TRAF6: variants seen among roughly 807,000 people sequenced by gnomAD.
The protein encoded by TRAF6 is TNF receptor-associated factor 6.
Under a neutral mutation model 48.4 loss-of-function variants are expected in TRAF6, and 10 were observed. That is an observed-to-expected ratio of 0.21 (90% CI 0.13 to 0.35). The LOEUF (loss-of-function observed/expected upper bound fraction) is 0.35, where lower values mean the gene tolerates loss of function less well. Among genes scored for constraint, TRAF6 ranks in the 10% least tolerant of loss-of-function variants. TRAF6 has a pLI of 1.00. For synonymous variants in TRAF6, 186 were observed against 219.6 expected (o/e 0.85, Z 1.35); for missense variants, 397 against 661.0 (o/e 0.60, Z 4.38).
intron 6 of TRAF6, among the ~76,000 whole-genome samples, chr11:36,491,702 A>G (rs1253812383): frequency 6.6e-6 from 1 of 152,152 alleles, no homozygotes; most frequent in Non-Finnish European, 1.5e-5. Flanking sequence ...CTGTTTGTTC[A>G]TGGCTCTTTT....
At chr11:36,507,937 C>A (rs1427631238) in intron 1 of TRAF6, among the ~76,000 whole-genome samples, 1 of 150,812 alleles carries the variant, frequency 6.6e-6, no homozygotes, top group Non-Finnish European at 1.5e-5. Context: ...CTCATTGCAG[C>A]CTCCACCTCT....
intron 3 of TRAF6, among the ~76,000 whole-genome samples, chr11:36,497,948 G>T (rs1859663465): frequency 6.6e-6 from 1 of 150,530 alleles, no homozygotes; most frequent in African/African-American, 2.5e-5. Flanking sequence ...GCAGTGGCGT[G>T]ATCTCGGCTC....
intron 5 of TRAF6, among the ~76,000 whole-genome samples, chr11:36,493,250 C>T (rs564489596): frequency 3.3e-5 from 5 of 152,302 alleles, no homozygotes; most frequent in Admixed American, 6.5e-5. Context: ...TATACTCAAT[C>T]ATATTTTTTC....
chr11:36,491,137 GTTAATA>G (rs1160010539), intron 6 of TRAF6, among the ~76,000 whole-genome samples: 5 of 128,536 alleles, frequency 3.9e-5, no homozygotes, highest in African/African-American at 1.4e-4. Context: ...TCTCTCTCTA[GTTAATA>G]TTAATACCAT....
chr11:36,501,768 T>C (rs972206179), intron 1 of TRAF6: 1 of 283,092 alleles, frequency 3.5e-6, no homozygotes, highest in African/African-American at 2.2e-5. Flanking sequence ...TGCAAATCAC[T>C]TGGAGCACAC....
rs553512192 is a variant in TRAF6, at chr11:36,485,117, T to C, written c.*4721A>G. ...AAGTGATAAAGCAAATGTAACATAA[T>C]ATTACTGCAGATTCTAGGTCGTAGA... On this transcript the variant is annotated 3_prime_UTR_variant, in exon 7 of 7. Transcript: ENST00000526995. Among the ~76,000 whole-genome samples the C allele has an allele frequency of 6.4e-4, 98 of 152,216 alleles. 1 individual carries two copies. Among genetic ancestry groups the C allele is most frequent in the African/African-American group, 2.3e-3 (97 of 41,472 alleles).
At position 36,490,249 on chromosome 11, in the gene TRAF6, C is replaced by G. The variant is rs1430754467; in HGVS notation, c.1158G>C (p.Gly386=). 2.5e-6 allele frequency: 4 copies of G among 1,614,162 alleles called. No homozygotes were observed. In the South Asian group the frequency reaches 4.4e-5, roughly 18 times the overall value. Residue 386 remains glycine, a synonymous_variant, in exon 7 of 7, where the codon GGG becomes GGC. Transcript: ENST00000526995. The surrounding 1 kb of genome is among the most constrained non-coding windows in gnomAD (Gnocchi z 6.4). Reference sequence around the variant, plus strand: ...GGTGCAAGCGCATGCACAGTTTGTACCCGGGTTTGCCAGTGTAGAATCCAG... The same window carrying G: ...GGTGCAAGCGCATGCACAGTTTGTAGCCGGGTTTGCCAGTGTAGAATCCAG... The part of the protein sequence containing the change: ...HSPGFYTGKP[G]YKLCMRLHLQ...
rs34628250 is a variant in TRAF6, at chr11:36,486,086, TG to T, written c.*3751del. On this transcript the variant is annotated 3_prime_UTR_variant, in exon 7 of 7. Coordinates refer to ENST00000526995, the MANE Select transcript of TRAF6 (RefSeq NM_004620.4). ...CAGTGTTGCACTCTGTCACCCAGGC[TG>T]GGGGTGCAGTGGCATGATCTTGGCT... 1 allele frequency among the ~76,000 whole-genome samples: 152,236 copies of T among 152,236 alleles called. 76,118 individuals are homozygous for T. The highest frequency in any genetic ancestry group is 1 in the Non-Finnish European group (68,032 of 68,032).
At chr11:36,496,014 G>C (rs1217669650) in intron 4 of TRAF6, among the ~76,000 whole-genome samples, 1 of 152,148 alleles carries the variant, frequency 6.6e-6, no homozygotes, top group African/African-American at 2.4e-5. Flanking sequence ...GATAAAATAT[G>C]CTTGATCTCA....
chr11:36,508,608 G>A (rs1322118547), intron 1 of TRAF6, among the ~76,000 whole-genome samples: 1 of 152,134 alleles, frequency 6.6e-6, no homozygotes, highest in East Asian at 1.9e-4. Flanking sequence ...GAGTAAACAT[G>A]TAACTTATTG....
At chr11:36,492,769 A>T in intron 5 of TRAF6, 141 bp from the exon 6 acceptor site, 1 of 601,876 alleles carries the variant, frequency 1.7e-6, no homozygotes, top group Non-Finnish European at 2.9e-6. Flanking sequence ...ACCATCACCC[A>T]CAAAAATTAA....
intron 2 of TRAF6, among the ~76,000 whole-genome samples, chr11:36,500,686 G>A (rs1169912489): frequency 6.6e-6 from 1 of 152,144 alleles, no homozygotes; most frequent in Non-Finnish European, 1.5e-5. Flanking sequence ...TGGTAGCAGA[G>A]GGAGGAAGTG....
chr11:36,493,321 AG>A (rs968279380), intron 5 of TRAF6, among the ~76,000 whole-genome samples: 10 of 152,362 alleles, frequency 6.6e-5, no homozygotes, highest in South Asian at 2.1e-4. Flanking sequence ...TATTTCAAAC[AG>A]GAAGTACCTG....
At position 36,489,645 on chromosome 11, in the gene TRAF6, A is replaced by G; in HGVS notation, c.*193T>C. On this transcript the variant is annotated 3_prime_UTR_variant, in exon 7 of 7. Coordinates refer to ENST00000526995, the MANE Select transcript of TRAF6 (RefSeq NM_004620.4). ...CCTAACATTTCTGAAAAAGCATGGA[A>G]CGTGTGGATTCCCAGGAAAAAACTG... 3 of 638,902 alleles carry G rather than the reference A, an allele frequency of 4.7e-6. No homozygotes were observed. The highest frequency in any genetic ancestry group is 8.0e-6 in the Non-Finnish European group (3 of 374,120). The allele number at this position is 638,902 out of a possible 1,614,324, so 39.6% of individuals were successfully genotyped here.
chr11:36,509,098 G>A (rs1859856888), intron 1 of TRAF6, among the ~76,000 whole-genome samples: 1 of 152,158 alleles, frequency 6.6e-6, no homozygotes, highest in South Asian at 2.1e-4. Context: ...AGTAATCAAA[G>A]GAGAATGAAT....
At chr11:36,508,026 T>C (rs1207842546) in intron 1 of TRAF6, among the ~76,000 whole-genome samples, 3 of 151,710 alleles carry the variant, frequency 2.0e-5, no homozygotes, top group African/African-American at 4.8e-5. Context: ...TGGTTAATTT[T>C]TGTATTTTTT....
chr11:36,507,973 A>T (rs925770378), intron 1 of TRAF6, among the ~76,000 whole-genome samples: 161 of 150,888 alleles, frequency 1.1e-3, no homozygotes, highest in African/African-American at 3.8e-3. Context: ...CTCCCACCTC[A>T]GTCTCCCAAG....
chr11:36,503,011 A>T (rs1366209295), intron 1 of TRAF6, among the ~76,000 whole-genome samples: 1 of 152,228 alleles, frequency 6.6e-6, no homozygotes, highest in Non-Finnish European at 1.5e-5. Flanking sequence ...GGAGCTTAAA[A>T]GGTTAAGTAA....
In TRAF6 at chr11:36,501,445, G is replaced by A; in HGVS notation, c.71C>T (p.Ala24Val). ...QSESDCCVAM[A>V]SSCSAVTKDD... ...TTTTGTTACAGCGCTACAGGAGCTG[G>A]CCATGGCCACACAGCAGTCACTTTC... The change falls in exon 2 of 7, where the codon GCC (alanine) becomes GTC (valine). Residue 24 changes from alanine (A) to valine (V), a missense_variant. Physicochemically the swap from Ala to Val is moderately conservative, Grantham distance 64. Coordinates refer to ENST00000526995, the MANE Select transcript of TRAF6 (RefSeq NM_004620.4). 6.2e-7 allele frequency: 1 copy of A among 1,614,108 alleles called. No homozygotes were observed. The highest frequency in any genetic ancestry group is 1.1e-5 in the South Asian group (1 of 91,082).
Sources: gnomAD v4.1 joint callset for allele counts (sites outside exome capture counted in the v4.1 genomes callset) on GRCh38, gnomAD v4.1.1 for gene constraint, Gnocchi (gnomAD v3.1) non-coding constraint, MANE v1.5 for transcripts, NCBI Gene and HGNC (gene_info 2026-07-23, HGNC 2026-07-21) for gene names.